Variants in NDUFA10 observed in about 807,000 individuals in gnomAD.
The protein encoded by NDUFA10 is NADH:ubiquinone oxidoreductase subunit A10.
NDUFA10 carries 40 observed loss-of-function variants against 47.8 expected under a neutral mutation model. The observed-to-expected ratio is 0.84, with a 90% confidence interval of 0.65 to 1.09. NDUFA10 has a LOEUF of 1.09. NDUFA10 is among the 50% of genes least tolerant of loss of function. The pLI, the probability that NDUFA10 is intolerant of heterozygous loss-of-function variation, is 0.00. For missense variants in NDUFA10, 413 were observed against 451.1 expected, an observed-to-expected ratio of 0.92 and a Z score of 0.76; for synonymous variants, 183 against 172.2, an observed-to-expected ratio of 1.06 and a Z score of -0.49.
intron 4 of NDUFA10, among the ~76,000 whole-genome samples, chr2:239,938,936 T>G (rs1309015325): frequency 1.3e-5 from 2 of 152,128 alleles, no homozygotes; most frequent in African/African-American, 4.8e-5. Context: ...AGCCGTTGAG[T>G]TGGAGGAAAC....
At chr2:240,015,108 G>A (rs148876697) in intron 4 of NDUFA10, among the ~76,000 whole-genome samples, 1 of 152,336 alleles carries the variant, frequency 6.6e-6, no homozygotes, top group East Asian at 1.9e-4. Context: ...AGGGCTTGTC[G>A]CCTCCACTGT....
intron 4 of NDUFA10, among the ~76,000 whole-genome samples, chr2:239,936,227 C>T (rs1365346243): frequency 6.6e-6 from 1 of 152,222 alleles, no homozygotes; most frequent in African/African-American, 2.4e-5. Context: ...ACACAAGCAG[C>T]TTCCGGGCCC....
rs1226762445 is a variant in NDUFA10, at chr2:239,928,440, AT to A, written c.295-33127del. Among the ~76,000 whole-genome samples, 1 of 152,194 alleles carries A rather than the reference AT, an allele frequency of 6.6e-6. No homozygotes were observed. Among genetic ancestry groups the A allele is most frequent in the Non-Finnish European group, 1.5e-5 (1 of 68,036 alleles). On this transcript the variant is annotated intron_variant, in intron 4 of 5. Coordinates refer to the NDUFA10 transcript ENST00000419408. The surrounding 1 kb of genome is among the most constrained non-coding windows in gnomAD (Gnocchi z 4.3). Reference sequence around the variant, plus strand: ...CGATCTGAAAATTACTTCTATTGTGATTATTATTCTGTGAAGTCAGTTCCTC... The same window carrying A: ...CGATCTGAAAATTACTTCTATTGTGATATTATTCTGTGAAGTCAGTTCCTC...
At chr2:240,018,423 C>T (rs759691444) in intron 4 of NDUFA10, 130 bp downstream of exon 4, 41 of 1,569,928 alleles carry the variant, frequency 2.6e-5, no homozygotes, top group East Asian at 1.9e-4. Flanking sequence ...CAGCGGAGAC[C>T]GATTAAGTAA....
At position 239,957,969 on chromosome 2, in the gene NDUFA10, C is replaced by A. The variant is rs1248491558; in HGVS notation, c.*3149G>T. ...CAATTCGAGAGAGTATTAGAAAACA[C>A]TAGCGGCGTGAGGTGACTACTGACA... On this transcript the variant is annotated 3_prime_UTR_variant, in exon 10 of 10. Transcript: ENST00000252711. 6.6e-6 allele frequency: 1 copy of A among 152,232 alleles called. No homozygotes were observed. The highest frequency in any genetic ancestry group is 2.4e-5 in the African/African-American group (1 of 41,464). The allele number at this position is 152,232 out of a possible 1,614,324, so 9.4% of individuals were successfully genotyped here.
At chr2:239,999,194 G>A (rs1429211209) in intron 8 of NDUFA10, among the ~76,000 whole-genome samples, 1 of 152,180 alleles carries the variant, frequency 6.6e-6, no homozygotes, top group African/African-American at 2.4e-5. Context: ...GACTATGAAT[G>A]GTCATCACCG....
At chr2:240,009,036 C>T (rs537019344) in intron 6 of NDUFA10, among the ~76,000 whole-genome samples, 2 of 152,314 alleles carry the variant, frequency 1.3e-5, no homozygotes, top group South Asian at 4.1e-4. Flanking sequence ...CAGCAGTTCA[C>T]GTGCAACCTC....
In NDUFA10 at chr2:240,009,309, T is replaced by G. The variant is rs151250351; in HGVS notation, c.750-1939A>C. On this transcript the variant is annotated intron_variant, in intron 6 of 9. Coordinates refer to ENST00000252711, the MANE Select transcript of NDUFA10 (RefSeq NM_004544.4). ...ACTCTGTCTTGTGTACCTCTGTGTCTCAGCTAACACTGACACTGGGAGCTA... is the reference window on the plus strand; with the variant it reads ...ACTCTGTCTTGTGTACCTCTGTGTCGCAGCTAACACTGACACTGGGAGCTA... Among the ~76,000 whole-genome samples the G allele has an allele frequency of 1.5e-3, 230 of 152,354 alleles. 1 individual carries two copies. The highest frequency in any genetic ancestry group is 2.9e-3 in the Non-Finnish European group (196 of 68,026).
At chr2:239,901,309 G>A (rs1443386224) in intron 4 of NDUFA10, among the ~76,000 whole-genome samples, 5 of 152,174 alleles carry the variant, frequency 3.3e-5, no homozygotes, top group Admixed American at 3.3e-4. Context: ...TGAGGCTGCA[G>A]TGAGCTATGA....
At chr2:239,911,681 G>C (rs143650850) in intron 4 of NDUFA10, among the ~76,000 whole-genome samples, 2 of 143,748 alleles carry the variant, frequency 1.4e-5, no homozygotes, top group Non-Finnish European at 3.0e-5. Context: ...GTGTGTGTGC[G>C]TGTGTGTGTG....
Position 239,906,486 on chromosome 2 carries a change from G to C in NDUFA10, c.295-11172C>G, listed in dbSNP as rs1315240529. ...ACGGGGGCCCCCACGCCAATTCATG[G>C]AGTCCCCGCACTTATAGTGCCTCCC... On this transcript the variant is annotated intron_variant, in intron 4 of 5. Coordinates refer to the NDUFA10 transcript ENST00000419408. This position sits in a 1 kb window ranked among gnomAD's most constrained non-coding sequence, Gnocchi z 4.3. 6.6e-6 allele frequency among the ~76,000 whole-genome samples: 1 copy of C among 152,148 alleles called. No homozygotes were observed. The highest frequency in any genetic ancestry group is 2.4e-5 in the African/African-American group (1 of 41,418).
chr2:239,934,374 AC>A (rs1037196704), intron 4 of NDUFA10, among the ~76,000 whole-genome samples: 5 of 62,684 alleles, frequency 8.0e-5, no homozygotes, highest in Non-Finnish European at 1.4e-4. Flanking sequence ...CCCCACCCCC[AC>A]CCCCAGCCTG....
intron 4 of NDUFA10, among the ~76,000 whole-genome samples, chr2:239,935,583 A>G (rs994117254): frequency 1.3e-5 from 2 of 152,222 alleles, no homozygotes; most frequent in Non-Finnish European, 2.9e-5. Context: ...TAGTGATGAC[A>G]TGGTTTGGCT....
rs1265529467 is a variant in NDUFA10, at chr2:239,973,544, C to T, written c.1000-12358G>A. 2.1e-6 allele frequency: 1 copy of T among 470,850 alleles called. No individual in the cohort carries two copies. The highest frequency in any genetic ancestry group is 1.6e-5 in the South Asian group (1 of 64,428). 29.2% of individuals were successfully genotyped at this position (470,850 alleles called of 1,614,324 possible). A position where few individuals can be genotyped will look rare whatever the true frequency, so the allele number is the denominator to read the frequency against. On this transcript the variant is annotated intron_variant, in intron 9 of 9. Transcript: ENST00000252711. ...AAGATTCTGTTGTCCTAGCAACTAT[C>T]TTGGACACGATCAGCTTCAAGGAGG...
rs571681476 is a variant in NDUFA10, at chr2:240,025,160, C to A, written c.75+67G>T. ...GCCAGAGGCCGGGGGAGATGTGGAA[C>A]TGCTCCCCACCCCGCCACCCCGCCA... is the stretch of plus-strand genomic sequence containing the variant. On this transcript the variant is annotated intron_variant, in intron 1 of 9. Transcript: ENST00000252711. The A allele has an allele frequency of 1.6e-4, 121 of 742,670 alleles. No individual in the cohort carries two copies. The African/African-American group carries it at 2.2e-3, about 13-fold the overall frequency. The allele number at this position is 742,670 out of a possible 1,614,324, so 46.0% of individuals were successfully genotyped here. A position where few individuals can be genotyped will look rare whatever the true frequency, so the allele number is the denominator to read the frequency against.
intron 9 of NDUFA10, among the ~76,000 whole-genome samples, chr2:239,980,169 G>A (rs1289647177): frequency 1.3e-5 from 2 of 152,180 alleles, no homozygotes; most frequent in Non-Finnish European, 2.9e-5. Context: ...GCTGCATGAG[G>A]GCAGGGCTTG....
chr2:239,997,831 C>G (rs1574865611), intron 8 of NDUFA10, among the ~76,000 whole-genome samples: 1 of 152,218 alleles, frequency 6.6e-6, no homozygotes, highest in East Asian at 1.9e-4. Context: ...TCCTTCCAAT[C>G]CTTTAAAAAC....
intron 9 of NDUFA10, among the ~76,000 whole-genome samples, chr2:239,967,621 G>A (rs1035264617): frequency 4.6e-5 from 7 of 152,206 alleles, no homozygotes; most frequent in African/African-American, 1.4e-4. Flanking sequence ...CCACAGGTAC[G>A]AGGTCCTGTG....
intron 9 of NDUFA10, among the ~76,000 whole-genome samples, chr2:239,967,583 A>G (rs537081642): frequency 8.5e-5 from 13 of 152,332 alleles, no homozygotes; most frequent in Middle Eastern, 6.8e-3. Context: ...GTTTAAGTTC[A>G]CTTAGCCCAC....
Sources: allele counts gnomAD v4.1 joint callset (sites outside exome capture counted in the v4.1 genomes callset), GRCh38; gene constraint gnomAD v4.1.1; non-coding constraint Gnocchi (gnomAD v3.1); transcripts MANE v1.5; gene names NCBI Gene and HGNC (gene_info 2026-07-23, HGNC 2026-07-21).